Variants in SIRPB1 observed in about 807,000 individuals in gnomAD.
SIRPB1 encodes the protein signal regulatory protein beta 1.
SIRPB1 carries 28 observed loss-of-function variants against 34.1 expected under a neutral mutation model. That is an observed-to-expected ratio of 0.82 (90% confidence interval 0.61 to 1.12). The LOEUF is 1.12. Among genes scored for constraint, SIRPB1 ranks in the 50% most tolerant of loss-of-function variants. The pLI, the probability that SIRPB1 is intolerant of heterozygous loss-of-function variation, is 0.00. For missense variants in SIRPB1, 499 were observed against 507.0 expected, an observed-to-expected ratio of 0.98 and a Z score of 0.15; for synonymous variants, 211 against 203.8, an observed-to-expected ratio of 1.04 and a Z score of -0.30.
chr20:1,614,915 T>C (rs1283525614), intron 1 of SIRPB1, among the ~76,000 whole-genome samples: 2 of 152,196 alleles, frequency 1.3e-5, no homozygotes, highest in African/African-American at 4.8e-5. Context: ...TGTTGCCTTT[T>C]GGAGTGCTGC....
At chr20:1,574,310 C>T (rs2422625) in intron 2 of SIRPB1, among the ~76,000 whole-genome samples, 12,364 of 16,260 alleles carry the variant, frequency 0.76, 4,881 homozygotes, top group African/African-American at 0.89. Context: ...GGGAGGGGTC[C>T]TGTTCAGGCT....
At chr20:1,566,309 T>A in intron 4 of SIRPB1, 42 bp from the exon 5 acceptor site, 1 of 1,311,722 alleles carries the variant, frequency 7.6e-7, no homozygotes, top group Non-Finnish European at 1.1e-6. Context: ...AGGGGCCACC[T>A]GGGAGCTCAT....
chr20:1,612,042 C>T lies in SIRPB1; in HGVS notation c.76+7827G>A, dbSNP rs193028638. On this transcript the variant is annotated intron_variant, in intron 1 of 5. Transcript: ENST00000381605. The stretch of plus-strand genomic sequence containing the variant: ...GTCTTGCTCTGTCTGCTGCCCAGGC[C>T]GGAGTGCAGTGGTACAATCACAGCT... 8.5e-5 allele frequency among the ~76,000 whole-genome samples: 6 copies of T among 70,400 alleles called. 1 individual carries two copies. Among genetic ancestry groups the T allele is most frequent in the Non-Finnish European group, 1.6e-4 (6 of 37,844 alleles). 46.2% of individuals were successfully genotyped at this position (70,400 alleles called of 152,430 possible).
Position 1,619,860 on chromosome 20 carries a change from A to G in SIRPB1, c.76+9T>C, listed in dbSNP as rs769013645. Reference sequence around the variant, plus strand: ...AGGAAAAAAGATTTTAACCGAAGGCAGTGCTCACCTGTGAGTCTCCCCAGC... The same window carrying G: ...AGGAAAAAAGATTTTAACCGAAGGCGGTGCTCACCTGTGAGTCTCCCCAGC... On this transcript the variant is annotated intron_variant, in intron 1 of 5. Coordinates refer to ENST00000381605, the MANE Select transcript of SIRPB1 (RefSeq NM_006065.5). 3.8e-6 allele frequency: 6 copies of G among 1,599,532 alleles called. No homozygotes were observed. In the Admixed American group the frequency reaches 5.1e-5, roughly 13 times the overall value.
rs865983979 is a variant in SIRPB1 at position 1,619,877 on chromosome 20, C to G, written c.68G>C (p.Arg23Thr). The G allele has an allele frequency of 6.2e-7, 1 of 1,612,478 alleles. No individual in the cohort carries two copies. The highest frequency in any genetic ancestry group is 8.5e-7 in the Non-Finnish European group (1 of 1,178,848). ...PFLLMTLLLG[R>T]LTGVAGEDEL... ...CCGAAGGCAGTGCTCACCTGTGAGTCTCCCCAGCAGTAGCGTCATCAGCAG... is the reference window on the plus strand; with the variant it reads ...CCGAAGGCAGTGCTCACCTGTGAGTGTCCCCAGCAGTAGCGTCATCAGCAG... The change falls in exon 1 of 6, where the codon AGA (arginine) becomes ACA (threonine). Residue 23 changes from arginine to threonine, a missense_variant. Physicochemically the swap from Arg to Thr is moderately conservative, Grantham distance 71. Coordinates refer to ENST00000381605, the MANE Select transcript of SIRPB1 (RefSeq NM_006065.5).
intron 4 of SIRPB1, among the ~76,000 whole-genome samples, chr20:1,568,817 TAA>T: frequency 7.0e-6 from 1 of 142,570 alleles, no homozygotes; most frequent in African/African-American, 2.6e-5. Context: ...GGAATTAATT[TAA>T]AAAAAAAAAG....
chr20:1,614,815 A>G (rs2091607017), intron 1 of SIRPB1, among the ~76,000 whole-genome samples: 1 of 151,998 alleles, frequency 6.6e-6, no homozygotes, highest in Non-Finnish European at 1.5e-5. Flanking sequence ...TTGACTCATG[A>G]CTTACTGATT....
Position 1,609,355 on chromosome 20 carries a change from C to G in SIRPB1, c.76+10514G>C, listed in dbSNP as rs2091542314. ...GTACATTTTCATATACATACATGTA[C>G]ATGAAAGCATCATGTTTTACGCTTT... On this transcript the variant is annotated intron_variant, in intron 1 of 5. Coordinates refer to ENST00000381605, the MANE Select transcript of SIRPB1 (RefSeq NM_006065.5). 2.7e-5 allele frequency among the ~76,000 whole-genome samples: 2 copies of G among 72,796 alleles called. 1 individual carries two copies. The highest frequency in any genetic ancestry group is 5.2e-5 in the Non-Finnish European group (2 of 38,736). The allele number at this position is 72,796 out of a possible 152,430, so 47.8% of individuals were successfully genotyped here. A position where few individuals can be genotyped will look rare whatever the true frequency, so the allele number is the denominator to read the frequency against.
chr20:1,590,522 A>G lies in SIRPB1; in HGVS notation c.77-11828T>C, dbSNP rs1316599788. ...CTGACTCTATCAAGTAAGCACTGCTATTAACCTACCTCCTTTTACAGGCGA... is the reference window on the plus strand; with the variant it reads ...CTGACTCTATCAAGTAAGCACTGCTGTTAACCTACCTCCTTTTACAGGCGA... On this transcript the variant is annotated intron_variant, in intron 1 of 5. Transcript: ENST00000381605. Among the ~76,000 whole-genome samples the G allele has an allele frequency of 4.0e-5, 2 of 49,480 alleles. 1 individual carries two copies. Among genetic ancestry groups the G allele is most frequent in the Non-Finnish European group, 7.8e-5 (2 of 25,600 alleles). The allele number at this position is 49,480 out of a possible 152,430, so 32.5% of individuals were successfully genotyped here. A position where few individuals can be genotyped will look rare whatever the true frequency, so the allele number is the denominator to read the frequency against.
At chr20:1,577,252 C>G (rs2091325913) in intron 2 of SIRPB1, among the ~76,000 whole-genome samples, 2 of 148,060 alleles carry the variant, frequency 1.4e-5, no homozygotes, top group African/African-American at 4.9e-5. Flanking sequence ...ATGCACCAGG[C>G]TCTTCTATGG....
intron 4 of SIRPB1, among the ~76,000 whole-genome samples, chr20:1,567,212 T>C (rs1029765400): frequency 2.0e-5 from 3 of 152,152 alleles, no homozygotes; most frequent in Admixed American, 6.5e-5. Flanking sequence ...GATGGGTGGC[T>C]CTCTGGGGCT....
intron 1 of SIRPB1, among the ~76,000 whole-genome samples, chr20:1,618,262 A>G (rs541382440): frequency 1.3e-5 from 2 of 152,340 alleles, no homozygotes; most frequent in South Asian, 4.1e-4. Context: ...GTGGTAGGCA[A>G]TAATTAATTC....
chr20:1,618,150 A>G (rs2091658193), intron 1 of SIRPB1, among the ~76,000 whole-genome samples: 2 of 152,338 alleles, frequency 1.3e-5, no homozygotes, highest in Admixed American at 6.5e-5. Context: ...TATCTGGCCC[A>G]TAGAAAGTAA....
intron 4 of SIRPB1, among the ~76,000 whole-genome samples, chr20:1,567,344 C>G (rs1333036472): frequency 6.6e-6 from 1 of 152,154 alleles, no homozygotes; most frequent in African/African-American, 2.4e-5. Flanking sequence ...TGAAAAAAAT[C>G]TACAGGACCC....
chr20:1,619,738 T>C, intron 1 of SIRPB1, 131 bp downstream of exon 1: 1 of 604,786 alleles, frequency 1.7e-6, no homozygotes, highest in Non-Finnish European at 2.8e-6. Flanking sequence ...CCTGATTTTC[T>C]GCTCTCAGTC....
At position 1,566,217 on chromosome 20, in the gene SIRPB1, G is replaced by A. The variant is rs2091131152; in HGVS notation, c.1135C>T (p.Pro379Ser). ...APLLVALLLGPKLLLVVGVSA... is the reference protein window; with the variant it reads ...APLLVALLLGSKLLLVVGVSA... The stretch of plus-strand genomic sequence containing the variant: ...ACACCAACCACCAGTAGCAGCTTGG[G>A]GCCCAGGAGGAGAGCTACGAGGAGT... The change falls in exon 5 of 6, where the codon CCC (proline) becomes TCC (serine). Residue 379 changes from proline (P) to serine (S), a missense_variant. Physicochemically the swap from Pro to Ser is moderately conservative, Grantham distance 74. Transcript: ENST00000381605. 1.2e-6 allele frequency: 2 copies of A among 1,612,384 alleles called. No homozygotes were observed. The highest frequency in any genetic ancestry group is 1.1e-5 in the South Asian group (1 of 90,554).
Position 1,578,483 on chromosome 20 carries a change from T to C in SIRPB1, c.288A>G (p.Thr96=), listed in dbSNP as rs1285882547. 3.2e-6 allele frequency: 5 copies of C among 1,583,912 alleles called. No individual in the cohort carries two copies. The East Asian group carries it at 8.9e-5, about 28-fold the overall frequency. The change falls in exon 2 of 6, where the codon ACA becomes ACG. Residue 96 remains threonine, a synonymous_variant. Transcript: ENST00000381605. ...TGGAAAAGTCCAGGTTGTTTCTCTT[T>C]GTGAGTTCTGAAACAGTTGTTACCC... ...FPRVTTVSEL[T]KRNNLDFSIS...
Position 1,578,542 on chromosome 20 carries a change from A to G in SIRPB1, c.229T>C (p.Leu77=), listed in dbSNP as rs748219001. The G allele has an allele frequency of 1.2e-5, 19 of 1,583,480 alleles. 3 individuals carry two copies. Among genetic ancestry groups the G allele is most frequent in the Non-Finnish European group, 1.6e-5 (18 of 1,157,498 alleles). The change falls in exon 2 of 6, where the codon TTA becomes CTA. Residue 77 remains leucine (L), a synonymous_variant. Transcript: ENST00000381605. ...TGGCCTTCTTTCTGATTGTAGATTA[A>G]TTCCCGGCCTGCTCCAGCTCCTCTA... ...WFRGAGAGRE[L]IYNQKEGHFP...
At position 1,562,949 on chromosome 20, in the gene SIRPB1, G is replaced by C. The variant is rs1252914909; in HGVS notation, c.*2551C>G. Reference sequence around the variant, plus strand: ...ATTCTAGAAGTACAAATAGTTGACTGTGGCAATGTAGACCCTGATGCAGGA... The same window carrying C: ...ATTCTAGAAGTACAAATAGTTGACTCTGGCAATGTAGACCCTGATGCAGGA... On this transcript the variant is annotated 3_prime_UTR_variant, in exon 6 of 6. Transcript: ENST00000381605. Among the ~76,000 whole-genome samples the C allele has an allele frequency of 2.6e-5, 4 of 152,222 alleles. No individual in the cohort carries two copies. The highest frequency in any genetic ancestry group is 5.9e-5 in the Non-Finnish European group (4 of 68,038).
Sources: allele counts gnomAD v4.1 joint callset (sites outside exome capture counted in the v4.1 genomes callset), GRCh38; gene constraint gnomAD v4.1.1; transcripts MANE v1.5; gene names NCBI Gene and HGNC (gene_info 2026-07-23, HGNC 2026-07-21).